The following TRPC6 variants were observed in gnomAD, a reference collection of about 807,000 sequenced individuals.
TRPC6 encodes the protein short transient receptor potential channel 6.
Under a neutral mutation model 90.7 loss-of-function variants are expected in TRPC6, and 55 were observed. That is an observed-to-expected ratio of 0.61 (90% CI 0.49 to 0.76). The LOEUF (loss-of-function observed/expected upper bound fraction) is 0.76. TRPC6 is among the 30% of genes least tolerant of loss of function. The probability of loss-of-function intolerance (pLI) is 0.00; values close to 1 mark genes in which losing one functional copy is unlikely to be tolerated. For synonymous variants in TRPC6, 393 were observed against 393.0 expected, an observed-to-expected ratio of 1.00 and a Z score of 0.00; for missense variants, 989 against 1,122.7, an observed-to-expected ratio of 0.88 and a Z score of 1.70.
chr11:101,570,533 A>G (rs934488148), intron 1 of TRPC6, among the ~76,000 whole-genome samples: 8 of 152,246 alleles, frequency 5.3e-5, no homozygotes, highest in Non-Finnish European at 8.8e-5. Context: ...TGAGGTCAGC[A>G]TCATCCTGAT....
At chr11:101,542,897 T>C (rs1163412377) in intron 1 of TRPC6, among the ~76,000 whole-genome samples, 3 of 152,046 alleles carry the variant, frequency 2.0e-5, no homozygotes, top group East Asian at 1.9e-4. Flanking sequence ...GTTTCATAGA[T>C]AGGATATTAA....
At position 101,452,887 on chromosome 11, in the gene TRPC6, A is replaced by G. The variant is rs200443992; in HGVS notation, c.*68T>C. 201 of 1,596,502 alleles carry G rather than the reference A, an allele frequency of 1.3e-4. No homozygotes were observed. Among genetic ancestry groups the G allele is most frequent in the Non-Finnish European group, 1.4e-5 (16 of 1,166,732 alleles). On this transcript the variant is annotated 3_prime_UTR_variant, in exon 13 of 13. Coordinates refer to ENST00000344327, the MANE Select transcript of TRPC6 (RefSeq NM_004621.6). ...AAGGTGGGCCCATTGGCACTTAAGAAAATAAATCAGAAAATAATATGGCTT... is the reference window on the plus strand; with the variant it reads ...AAGGTGGGCCCATTGGCACTTAAGAGAATAAATCAGAAAATAATATGGCTT...
At chr11:101,491,836 C>CATT in intron 2 of TRPC6, 98 bp from the exon 3 acceptor site, 1 of 441,254 alleles carries the variant, frequency 2.3e-6, no homozygotes, top group Non-Finnish European at 3.4e-6. Context: ...GAGAAACATT[C>CATT]TTTTTTTTTT....
At chr11:101,491,832 C>CTTTTTTT in intron 2 of TRPC6, 94 bp from the exon 3 acceptor site, 1 of 568,380 alleles carries the variant, frequency 1.8e-6, no homozygotes, top group Non-Finnish European at 2.6e-6. Flanking sequence ...TTAAGAGAAA[C>CTTTTTTT]ATTCTTTTTT....
Position 101,500,006 on chromosome 11 carries a change from T to C in TRPC6, c.945+4018A>G, listed in dbSNP as rs1420373598. 7.7e-5 allele frequency among the ~76,000 whole-genome samples: 10 copies of C among 129,208 alleles called. 3 individuals carry two copies. Among genetic ancestry groups the C allele is most frequent in the Non-Finnish European group, 1.6e-4 (10 of 60,968 alleles). 84.8% of individuals were successfully genotyped at this position (129,208 alleles called of 152,430 possible). ...ATATATGTATACACAGTATAAAATG[T>C]GTATATATATACGCAATATAAAATG... On this transcript the variant is annotated intron_variant, in intron 2 of 12. Transcript: ENST00000344327.
At chr11:101,489,201 C>A in intron 3 of TRPC6, 100 bp from the exon 4 acceptor site, 1 of 1,082,662 alleles carries the variant, frequency 9.2e-7, no homozygotes, top group Admixed American at 1.9e-5. Flanking sequence ...CAATGAAATA[C>A]ATTGTTAGAA....
intron 1 of TRPC6, among the ~76,000 whole-genome samples, chr11:101,558,172 C>T (rs145329099): frequency 1.4e-5 from 2 of 139,590 alleles, no homozygotes; most frequent in African/African-American, 5.4e-5. Context: ...CACAAACACA[C>T]AAATATATAT....
At chr11:101,472,072 TGA>T in intron 8 of TRPC6, 63 bp downstream of exon 8, 1 of 1,486,856 alleles carries the variant, frequency 6.7e-7, no homozygotes, top group Non-Finnish European at 9.4e-7. Flanking sequence ...TCCCCATTGC[TGA>T]GTTAGCCCTT....
chr11:101,492,624 G>A lies in TRPC6; in HGVS notation c.946-886C>T, dbSNP rs1044325794. On this transcript the variant is annotated intron_variant, in intron 2 of 12. Transcript: ENST00000344327. ...GTGTACCAAACTCACCTGTTGATTC[G>A]GAAGAAATATAACCAACTTTTTCCA... is the stretch of plus-strand genomic sequence containing the variant. Among the ~76,000 whole-genome samples, 12 of 152,074 alleles carry A rather than the reference G, an allele frequency of 7.9e-5. No homozygotes were observed. In the South Asian group the frequency reaches 1.7e-3, roughly 21 times the overall value.
chr11:101,490,726 G>A (rs1232787349), intron 3 of TRPC6, among the ~76,000 whole-genome samples: 1 of 152,182 alleles, frequency 6.6e-6, no homozygotes, highest in Non-Finnish European at 1.5e-5. Context: ...AAAGTGCTGG[G>A]ATTACAGGCA....
At chr11:101,465,352 A>G (rs185401818) in intron 10 of TRPC6, among the ~76,000 whole-genome samples, 8 of 152,044 alleles carry the variant, frequency 5.3e-5, no homozygotes, top group African/African-American at 1.9e-4. Flanking sequence ...GGGTTGGGGA[A>G]TTTCTCCTGG....
At chr11:101,546,337 G>GAAGATAAA (rs1209694857) in intron 1 of TRPC6, among the ~76,000 whole-genome samples, 12 of 65,846 alleles carry the variant, frequency 1.8e-4, no homozygotes, top group African/African-American at 2.5e-4. Context: ...CTCCCAAAGT[G>GAAGATAAA]CTGGGATTAC....
rs200369786 is a variant in TRPC6 at position 101,504,676 on chromosome 11, T to A, written c.293A>T (p.Glu98Val). Residue 98 changes from glutamate to valine, a missense_variant, in exon 2 of 13, where the codon GAG (glutamate) becomes GTG (valine). Physicochemically the swap from Glu to Val is moderately radical, Grantham distance 121. Coordinates refer to ENST00000344327, the MANE Select transcript of TRPC6 (RefSeq NM_004621.6). ...FSDRSTSLSI[E>V]EERFLDAAEY... ...AGCTGCATCCAAAAAGCGTTCCTCC[T>A]CTATAGATAGGCTTGTGGAGCGATC... 2.0e-5 allele frequency: 32 copies of A among 1,602,206 alleles called. No homozygotes were observed. The highest frequency in any genetic ancestry group is 2.6e-5 in the Non-Finnish European group (31 of 1,172,978).
At chr11:101,579,673 C>CA (rs1365488965) in intron 1 of TRPC6, among the ~76,000 whole-genome samples, 1 of 152,088 alleles carries the variant, frequency 6.6e-6, no homozygotes, top group East Asian at 1.9e-4. Flanking sequence ...ACAAAAACCC[C>CA]AAAAACGATA....
intron 11 of TRPC6, among the ~76,000 whole-genome samples, chr11:101,454,410 T>C (rs1448234734): frequency 1.3e-5 from 2 of 152,032 alleles, no homozygotes; most frequent in African/African-American, 2.4e-5. Context: ...AGTATGTTCA[T>C]AGAACTAGTT....
intron 10 of TRPC6, among the ~76,000 whole-genome samples, chr11:101,462,480 T>C (rs1482655100): frequency 1.3e-5 from 2 of 152,232 alleles, no homozygotes; most frequent in Non-Finnish European, 2.9e-5. Context: ...TCGTCTCTTA[T>C]TTCCTTGAGC....
In TRPC6 at chr11:101,469,874, A is replaced by G. The variant is rs186034777; in HGVS notation, c.2410-373T>C. Among the ~76,000 whole-genome samples the G allele has an allele frequency of 3.3e-4, 50 of 152,314 alleles. 1 individual carries two copies. The highest frequency in any genetic ancestry group is 3.4e-3 in the Middle Eastern group (1 of 294). ...TTTAAAGAAAGCTTTAAAATTCTCA[A>G]AGTACTTTTATATACTTATTTGAGT... is the stretch of plus-strand genomic sequence containing the variant. On this transcript the variant is annotated intron_variant, in intron 9 of 12. Coordinates refer to ENST00000344327, the MANE Select transcript of TRPC6 (RefSeq NM_004621.6).
chr11:101,494,068 G>A (rs892480016), intron 2 of TRPC6, among the ~76,000 whole-genome samples: 2 of 152,130 alleles, frequency 1.3e-5, no homozygotes, highest in Non-Finnish European at 2.9e-5. Context: ...CAGACGTCTG[G>A]GCAGATAGCA....
In TRPC6 at chr11:101,562,137, T is replaced by C. The variant is rs544396854; in HGVS notation, c.170+21197A>G. 3.2e-4 allele frequency among the ~76,000 whole-genome samples: 48 copies of C among 152,208 alleles called. 1 individual carries two copies. The highest frequency in any genetic ancestry group is 1.1e-3 in the African/African-American group (46 of 41,546). ...TTTGATTGGGGATGGTTCCTATTTC[T>C]CAGTTCTTATCCTCTTCTAATACTC... On this transcript the variant is annotated intron_variant, in intron 1 of 12. Transcript: ENST00000344327.
Sources: allele counts gnomAD v4.1 joint callset (sites outside exome capture counted in the v4.1 genomes callset), GRCh38; gene constraint gnomAD v4.1.1; transcripts MANE v1.5; gene names NCBI Gene and HGNC (gene_info 2026-07-23, HGNC 2026-07-21).